The following LPP variants were observed in gnomAD, a reference collection of about 807,000 sequenced individuals.
LPP encodes the protein lipoma-preferred partner.
In LPP, 38 loss-of-function variants were observed where a neutral mutation model predicts 60.4. The ratio of observed to expected loss-of-function variants is 0.63; its 90% CI spans 0.49 to 0.83. LPP has a LOEUF of 0.83. LPP is among the 40% of genes least tolerant of loss of function. The pLI is 0.00. For missense variants in LPP, 902 were observed against 783.6 expected (o/e 1.15, Z -1.80); for synonymous variants, 328 against 290.8 (o/e 1.13, Z -1.30).
At chr3:188,265,322 T>C (rs1460344170) in intron 2 of LPP, among the ~76,000 whole-genome samples, 1 of 152,196 alleles carries the variant, frequency 6.6e-6, no homozygotes, top group Non-Finnish European at 1.5e-5. Flanking sequence ...GGCATCACAG[T>C]GGCTGGCCTT....
intron 1 of LPP, among the ~76,000 whole-genome samples, chr3:188,159,648 G>A (rs1249973718): frequency 2.6e-5 from 4 of 152,186 alleles, no homozygotes; most frequent in Non-Finnish European, 5.9e-5. Context: ...TGCAGCCACA[G>A]GATAGCAATC....
At chr3:188,271,570 T>G (rs991333988) in intron 2 of LPP, among the ~76,000 whole-genome samples, 4 of 152,216 alleles carry the variant, frequency 2.6e-5, no homozygotes, top group Admixed American at 2.6e-4. Context: ...ACTCTGGCCC[T>G]AAGGTGGACT....
intron 2 of LPP, among the ~76,000 whole-genome samples, chr3:188,254,714 G>GGATAT (rs201913490): frequency 6.6e-6 from 1 of 152,138 alleles, no homozygotes; most frequent in African/African-American, 2.4e-5. Flanking sequence ...ACCACACACA[G>GGATAT]TGGATAGGAT....
intron 6 of LPP, among the ~76,000 whole-genome samples, chr3:188,527,402 A>T (rs1820943627): frequency 6.6e-6 from 1 of 151,834 alleles, no homozygotes; most frequent in Non-Finnish European, 1.5e-5. Flanking sequence ...TTTCCTACAG[A>T]CAGCGTGTAG....
At chr3:188,512,517 C>A (rs1816028325) in intron 5 of LPP, among the ~76,000 whole-genome samples, 1 of 151,348 alleles carries the variant, frequency 6.6e-6, no homozygotes, top group Non-Finnish European at 1.5e-5. Flanking sequence ...GCAGTGAGTG[C>A]CATTGCGCTC....
intron 9 of LPP, among the ~76,000 whole-genome samples, chr3:188,857,977 G>T (rs56178968): frequency 6.6e-6 from 1 of 152,076 alleles, no homozygotes; most frequent in South Asian, 2.1e-4. Flanking sequence ...CTGGGTTCTC[G>T]CTTTGATAAT....
chr3:188,453,725 A>G (rs1797121190), intron 4 of LPP, among the ~76,000 whole-genome samples: 1 of 151,994 alleles, frequency 6.6e-6, no homozygotes, highest in Non-Finnish European at 1.5e-5. Flanking sequence ...TACCTTCCCT[A>G]TTAAGTCTCC....
At chr3:188,559,047 T>C (rs1450655602) in intron 6 of LPP, among the ~76,000 whole-genome samples, 1 of 152,104 alleles carries the variant, frequency 6.6e-6, no homozygotes. Flanking sequence ...CCTCTACCCC[T>C]GTCTAGCTAT....
At chr3:188,670,876 T>C (rs759266292) in intron 7 of LPP, among the ~76,000 whole-genome samples, 3 of 152,200 alleles carry the variant, frequency 2.0e-5, no homozygotes, top group Non-Finnish European at 4.4e-5. Flanking sequence ...GATTAATGTG[T>C]CCTCGTTGCC....
chr3:188,438,108 A>T (rs1248140629), intron 4 of LPP, among the ~76,000 whole-genome samples: 1 of 152,110 alleles, frequency 6.6e-6, no homozygotes, highest in Admixed American at 6.5e-5. Context: ...CCTGGATATA[A>T]TATCCTTTTG....
chr3:188,382,848 C>G (rs767431260), intron 3 of LPP, among the ~76,000 whole-genome samples: 1 of 152,104 alleles, frequency 6.6e-6, no homozygotes, highest in South Asian at 2.1e-4. Flanking sequence ...TCCTGGTTCC[C>G]CCTCTTATCC....
chr3:188,493,481 T>C (rs1411159827), intron 5 of LPP, among the ~76,000 whole-genome samples: 1 of 152,086 alleles, frequency 6.6e-6, no homozygotes, highest in Non-Finnish European at 1.5e-5. Context: ...CTTTTCTTCT[T>C]TTCTTTTCCT....
intron 5 of LPP, among the ~76,000 whole-genome samples, chr3:188,509,886 T>TA (rs1234955011): frequency 6.9e-6 from 1 of 145,918 alleles, no homozygotes; most frequent in African/African-American, 2.5e-5. Flanking sequence ...TTTTTTTTTT[T>TA]TTTTGCATCT....
chr3:188,381,661 A>T (rs1046616198), intron 3 of LPP, among the ~76,000 whole-genome samples: 1 of 152,174 alleles, frequency 6.6e-6, no homozygotes. Context: ...CTTCACTTTT[A>T]TATCGGTTGG....
chr3:188,439,156 G>A (rs1793130526), intron 4 of LPP, among the ~76,000 whole-genome samples: 1 of 152,164 alleles, frequency 6.6e-6, no homozygotes, highest in African/African-American at 2.4e-5. Flanking sequence ...AAAGTTTGGT[G>A]ATTAAGTCAC....
At chr3:188,771,394 C>G (rs1473988095) in intron 9 of LPP, among the ~76,000 whole-genome samples, 1 of 151,492 alleles carries the variant, frequency 6.6e-6, no homozygotes, top group Non-Finnish European at 1.5e-5. Context: ...ACTAAAAATA[C>G]AAAAATTAGC....
intron 7 of LPP, among the ~76,000 whole-genome samples, chr3:188,613,903 TTTTATTTATTTATTTATTTA>T (rs55728018): frequency 5.6e-5 from 8 of 142,626 alleles, no homozygotes; most frequent in African/African-American, 2.1e-4. Flanking sequence ...TTTAAATTAA[TTTTATTTATTTATTTATTTA>T]TTTATTTATT....
chr3:188,564,505 A>G (rs913891197), intron 6 of LPP, among the ~76,000 whole-genome samples: 1 of 151,986 alleles, frequency 6.6e-6, no homozygotes, highest in Non-Finnish European at 1.5e-5. Flanking sequence ...TTTTAAAACC[A>G]TAATATACCA....
intron 3 of LPP, among the ~76,000 whole-genome samples, chr3:188,379,655 A>C (rs1776322250): frequency 1.3e-5 from 2 of 152,230 alleles, no homozygotes; most frequent in African/African-American, 4.8e-5. Flanking sequence ...ATTTTATATA[A>C]ATGTCCATAC....
Sources: gnomAD v4.1 joint callset for allele counts (sites outside exome capture counted in the v4.1 genomes callset) on GRCh38, gnomAD v4.1.1 for gene constraint, MANE v1.5 for transcripts, NCBI Gene and HGNC (gene_info 2026-07-23, HGNC 2026-07-21) for gene names.